Variants in TCF4 observed in about 807,000 individuals in gnomAD.
TCF4 encodes the protein transcription factor 4.
A neutral mutation model predicts 82.1 loss-of-function variants in TCF4; 3 were observed. That is an observed-to-expected ratio of 0.04 (90% CI 0.02 to 0.09). The LOEUF (loss-of-function observed/expected upper bound fraction) is 0.09. TCF4 is among the 10% of genes least tolerant of loss of function. TCF4 has a pLI of 1.00. For synonymous variants in TCF4, 276 were observed against 309.6 expected, an observed-to-expected ratio of 0.89 and a Z score of 1.14; for missense variants, 518 against 852.7, an observed-to-expected ratio of 0.61 and a Z score of 4.89.
chr18:55,541,745 A>G (rs1315641640), intron 3 of TCF4, among the ~76,000 whole-genome samples: 1 of 152,014 alleles, frequency 6.6e-6, no homozygotes, highest in East Asian at 1.9e-4. Flanking sequence ...ATCAAGATGG[A>G]TCATAACACA....
chr18:55,492,387 G>C (rs2096586077), intron 3 of TCF4, among the ~76,000 whole-genome samples: 1 of 152,110 alleles, frequency 6.6e-6, no homozygotes. Context: ...TAATTTCCTA[G>C]ATTTTCCTGG....
chr18:55,383,954 C>T (rs1000890893), intron 6 of TCF4: 1 of 152,148 alleles, frequency 6.6e-6, no homozygotes, highest in African/African-American at 2.4e-5. Context: ...GAACTGAAAC[C>T]CCACGAACAA....
At chr18:55,303,497 AG>A (rs1347844283) in intron 8 of TCF4, among the ~76,000 whole-genome samples, 1 of 152,198 alleles carries the variant, frequency 6.6e-6, no homozygotes, top group African/African-American at 2.4e-5. Context: ...CAGACTTCCT[AG>A]GGCTCAGCAA....
intron 17 of TCF4, chr18:55,231,355 T>C (rs2047863353): frequency 6.6e-6 from 1 of 152,160 alleles, no homozygotes; most frequent in Admixed American, 6.5e-5. Context: ...CACTTACAAA[T>C]AAACTAGTTA....
chr18:55,262,377 T>G (rs1215307473), intron 11 of TCF4, among the ~76,000 whole-genome samples: 1 of 152,238 alleles, frequency 6.6e-6, no homozygotes, highest in Non-Finnish European at 1.5e-5. Flanking sequence ...CCAGGATTCT[T>G]GTGGTCTTCA....
intron 3 of TCF4, among the ~76,000 whole-genome samples, chr18:55,530,145 C>T (rs1180292784): frequency 1.3e-5 from 2 of 152,174 alleles, no homozygotes; most frequent in African/African-American, 2.4e-5. Flanking sequence ...TTTGCATCCA[C>T]TTTCATACAA....
intron 5 of TCF4, among the ~76,000 whole-genome samples, chr18:55,410,965 T>C (rs1426546817): frequency 6.6e-6 from 1 of 152,130 alleles, no homozygotes; most frequent in African/African-American, 2.4e-5. Flanking sequence ...AGCCCCTCAC[T>C]TGGCATCCTG....
rs890519329 is a variant in TCF4 at position 55,361,884 on chromosome 18, C to T, written c.370-10881G>A. ...AGGGGATTCTACTAATACTGCTTTACAAATAAGGTGGGCTGAGGCAGAAAT... is the reference window on the plus strand; with the variant it reads ...AGGGGATTCTACTAATACTGCTTTATAAATAAGGTGGGCTGAGGCAGAAAT... On this transcript the variant is annotated intron_variant, in intron 6 of 19. Coordinates refer to ENST00000354452, the MANE Select transcript of TCF4 (RefSeq NM_001083962.2). 3.9e-5 allele frequency among the ~76,000 whole-genome samples: 6 copies of T among 152,256 alleles called. No homozygotes were observed. In the South Asian group the frequency reaches 1.0e-3, roughly 26 times the overall value.
intron 5 of TCF4, among the ~76,000 whole-genome samples, chr18:55,457,839 T>G (rs1488035992): frequency 6.6e-6 from 1 of 152,224 alleles, no homozygotes; most frequent in Non-Finnish European, 1.5e-5. Flanking sequence ...AAACCATTCA[T>G]GTGAAATCAA....
intron 6 of TCF4, among the ~76,000 whole-genome samples, chr18:55,397,817 T>G (rs1437956900): frequency 2.0e-5 from 3 of 152,208 alleles, no homozygotes; most frequent in Non-Finnish European, 4.4e-5. Flanking sequence ...TTATTAAATC[T>G]GCAACTTAAA....
Position 55,393,308 on chromosome 18 carries a change from G to C in TCF4, c.369+10146C>G, listed in dbSNP as rs775421874. 2.0e-5 allele frequency among the ~76,000 whole-genome samples: 3 copies of C among 152,242 alleles called. No individual in the cohort carries two copies. In the South Asian group the frequency reaches 6.2e-4, roughly 32 times the overall value. On this transcript the variant is annotated intron_variant, in intron 6 of 19. Coordinates refer to ENST00000354452, the MANE Select transcript of TCF4 (RefSeq NM_001083962.2). Reference sequence around the variant, plus strand: ...GAGCCCAGGAGTTCAAGGTTGCAGTGAGCTATGACTGCACCACTGCACTCC... The same window carrying C: ...GAGCCCAGGAGTTCAAGGTTGCAGTCAGCTATGACTGCACCACTGCACTCC...
intron 6 of TCF4, among the ~76,000 whole-genome samples, chr18:55,370,088 C>A (rs148233407): frequency 0.017 from 2,586 of 152,316 alleles, 40 homozygotes; most frequent in Middle Eastern, 0.037. Context: ...AGTCTGACCC[C>A]AATCTCAATA....
intron 3 of TCF4, among the ~76,000 whole-genome samples, chr18:55,517,222 G>A (rs552493648): frequency 6.6e-6 from 1 of 152,292 alleles, no homozygotes. Context: ...CATGATGTAA[G>A]CAGAGACTTA....
chr18:55,417,923 A>C (rs1419986124), intron 5 of TCF4, among the ~76,000 whole-genome samples: 1 of 151,986 alleles, frequency 6.6e-6, no homozygotes, highest in Non-Finnish European at 1.5e-5. Flanking sequence ...AACAGCTTTC[A>C]GTAGAAGTAT....
Position 55,575,105 on chromosome 18 carries a change from T to C in TCF4, c.145+10175A>G, listed in dbSNP as rs549956550. 7.2e-5 allele frequency among the ~76,000 whole-genome samples: 11 copies of C among 152,216 alleles called. No individual in the cohort carries two copies. The South Asian group carries it at 2.1e-3, about 29-fold the overall frequency. ...GGACACTACAAATATACACCCCATA[T>C]AAAAGAGAAATTGTTCAAAATGAGC... On this transcript the variant is annotated intron_variant, in intron 3 of 19. Transcript: ENST00000354452.
At chr18:55,501,337 C>A (rs2096698412) in intron 3 of TCF4, among the ~76,000 whole-genome samples, 1 of 151,898 alleles carries the variant, frequency 6.6e-6, no homozygotes, top group Non-Finnish European at 1.5e-5. Context: ...GAAAAAAAAA[C>A]CACAACCAAC....
intron 11 of TCF4, chr18:55,267,279 C>G (rs2059397485): frequency 6.6e-6 from 1 of 152,112 alleles, no homozygotes; most frequent in Non-Finnish European, 1.5e-5. Context: ...TATTTCTTTA[C>G]TTCCTGCGTT....
intron 8 of TCF4, among the ~76,000 whole-genome samples, chr18:55,326,564 G>A (rs774528594): frequency 1.4e-4 from 21 of 151,972 alleles, no homozygotes; most frequent in Admixed American, 1.3e-4. Flanking sequence ...CACCAAACAC[G>A]ACTGGCCTGA....
At chr18:55,562,300 G>T (rs1368797348) in intron 3 of TCF4, among the ~76,000 whole-genome samples, 1 of 152,132 alleles carries the variant, frequency 6.6e-6, no homozygotes, top group Non-Finnish European at 1.5e-5. Context: ...ACTGAGGAAG[G>T]ATGATTTTCA....
Sources: allele counts gnomAD v4.1 joint callset (sites outside exome capture counted in the v4.1 genomes callset), GRCh38; gene constraint gnomAD v4.1.1; transcripts MANE v1.5; gene names NCBI Gene and HGNC (gene_info 2026-07-23, HGNC 2026-07-21).